Variants in FSTL4 observed in about 807,000 individuals in gnomAD.
FSTL4 encodes follistatin like 4, also known as follistatin-related protein 4.
Under a neutral mutation model 78.2 loss-of-function variants are expected in FSTL4, and 28 were observed. That is an observed-to-expected ratio of 0.36 (90% CI 0.27 to 0.49). The LOEUF is 0.49. FSTL4 is among the 20% of genes least tolerant of loss of function. The probability of loss-of-function intolerance (pLI) is 0.98; values close to 1 mark genes in which losing one functional copy is unlikely to be tolerated. For synonymous variants in FSTL4, 422 were observed against 440.5 expected (o/e 0.96, Z 0.53); for missense variants, 922 against 1,084.9 (o/e 0.85, Z 2.11).
At chr5:133,448,617 C>A (rs1211479392) in intron 3 of FSTL4, among the ~76,000 whole-genome samples, 2 of 151,886 alleles carry the variant, frequency 1.3e-5, no homozygotes, top group Non-Finnish European at 2.9e-5. Flanking sequence ...ACTGTCCTCA[C>A]CATGACACCA....
chr5:133,707,992 T>G, the FSTL4 span, among the ~76,000 whole-genome samples: 1 of 151,750 alleles, frequency 6.6e-6, no homozygotes, highest in Admixed American at 6.6e-5. Context: ...ATGGATTCCT[T>G]GAAAGCTGAG....
chr5:133,608,369 C>T (rs1761018126), intron 1 of FSTL4, among the ~76,000 whole-genome samples: 1 of 152,190 alleles, frequency 6.6e-6, no homozygotes, highest in Non-Finnish European at 1.5e-5. Context: ...TGGTTTCCTA[C>T]CAGAGCTTCA....
chr5:133,274,380 C>CTTTTTTTTTTTTTTTTTT lies in FSTL4; in HGVS notation c.728-24805_728-24804insAAAAAAAAAAAAAAAAAA, dbSNP rs59634629. Among the ~76,000 whole-genome samples the CTTTTTTTTTTTTTTTTTT allele has an allele frequency of 5.8e-4, 41 of 71,006 alleles. 14 individuals carry two copies. Among genetic ancestry groups the CTTTTTTTTTTTTTTTTTT allele is most frequent in the Non-Finnish European group, 7.9e-4 (33 of 41,628 alleles). 46.6% of individuals were successfully genotyped at this position (71,006 alleles called of 152,430 possible). On this transcript the variant is annotated intron_variant, in intron 6 of 15. Transcript: ENST00000265342. Reference sequence around the variant, plus strand: ...ATTCTCAGAAAAAGGGCAATCTGTGCTTTTTTTTTTTTTTTTAGGAGAACA... The same window carrying CTTTTTTTTTTTTTTTTTT: ...ATTCTCAGAAAAAGGGCAATCTGTGCTTTTTTTTTTTTTTTTTTTTTTTTTTTTTTTTTTAGGAGAACA...
chr5:133,616,799 A>G (rs1761207873), upstream of FSTL4, among the ~76,000 whole-genome samples: 1 of 152,186 alleles, frequency 6.6e-6, no homozygotes, highest in Non-Finnish European at 1.5e-5. Flanking sequence ...TCCAACCTTC[A>G]GGGGTATAAG....
At chr5:133,789,117 T>C in the FSTL4 span, among the ~76,000 whole-genome samples, 163 of 152,248 alleles carry the variant, frequency 1.1e-3, no homozygotes, top group African/African-American at 3.8e-3. Flanking sequence ...GCTTGGGATA[T>C]ACAGGTAGGG....
At chr5:133,355,991 A>G (rs1161065186) in intron 4 of FSTL4, among the ~76,000 whole-genome samples, 1 of 152,096 alleles carries the variant, frequency 6.6e-6, no homozygotes, top group African/African-American at 2.4e-5. Context: ...TTTAAGAGGA[A>G]GAGGCTCAAG....
At chr5:133,480,385 C>G (rs1249052811) in intron 3 of FSTL4, among the ~76,000 whole-genome samples, 1 of 152,156 alleles carries the variant, frequency 6.6e-6, no homozygotes, top group African/African-American at 2.4e-5. Flanking sequence ...TCGCAGAAAC[C>G]GAGGCACTTA....
the FSTL4 span, among the ~76,000 whole-genome samples, chr5:133,754,250 CA>C: frequency 6.6e-6 from 1 of 152,152 alleles, no homozygotes; most frequent in African/African-American, 2.4e-5. Context: ...TACAAACTAT[CA>C]ATTTTTATCC....
intron 3 of FSTL4, among the ~76,000 whole-genome samples, chr5:133,438,047 A>G (rs1316070619): frequency 6.6e-6 from 1 of 152,144 alleles, no homozygotes; most frequent in African/African-American, 2.4e-5. Flanking sequence ...CTTGTTTGGA[A>G]TCTCATGGCT....
Position 133,297,378 on chromosome 5 carries a change from G to A in FSTL4, c.727+15276C>T, listed in dbSNP as rs545219016. On this transcript the variant is annotated intron_variant, in intron 6 of 15. Coordinates refer to ENST00000265342, the MANE Select transcript of FSTL4 (RefSeq NM_015082.2). Reference sequence around the variant, plus strand: ...CCCACCTGTCCTCAAGCCAAGGCTCGGTGGGACTCGTGGGTGGCAGGTGGC... The same window carrying A: ...CCCACCTGTCCTCAAGCCAAGGCTCAGTGGGACTCGTGGGTGGCAGGTGGC... 7.7e-4 allele frequency among the ~76,000 whole-genome samples: 117 copies of A among 152,254 alleles called. 1 individual carries two copies. The highest frequency in any genetic ancestry group is 8.2e-4 in the Non-Finnish European group (56 of 68,004).
the FSTL4 span, among the ~76,000 whole-genome samples, chr5:133,829,404 G>A: frequency 6.6e-6 from 1 of 151,932 alleles, no homozygotes; most frequent in Non-Finnish European, 1.5e-5. Context: ...AGAAAAGAAA[G>A]AAAAAGCTCA....
intron 3 of FSTL4, among the ~76,000 whole-genome samples, chr5:133,510,812 C>A (rs189975514): frequency 6.6e-6 from 1 of 152,008 alleles, no homozygotes; most frequent in African/African-American, 2.4e-5. Flanking sequence ...TGGATCTGAG[C>A]GCAAGGCTAG....
chr5:133,819,666 C>T, the FSTL4 span, among the ~76,000 whole-genome samples: 3 of 152,188 alleles, frequency 2.0e-5, no homozygotes, highest in Non-Finnish European at 2.9e-5. Context: ...GGGCTGCCCA[C>T]GCATTGTTCC....
chr5:133,805,780 A>C, the FSTL4 span, among the ~76,000 whole-genome samples: 27 of 152,156 alleles, frequency 1.8e-4, no homozygotes, highest in Admixed American at 1.8e-3. Context: ...CACCATTTTG[A>C]GTTTGAACTG....
intron 4 of FSTL4, among the ~76,000 whole-genome samples, chr5:133,380,312 AT>A (rs1034582778): frequency 8.6e-5 from 13 of 151,962 alleles, no homozygotes; most frequent in African/African-American, 3.1e-4. Context: ...TAACAAAAAA[AT>A]TTTTTAGAAG....
intron 6 of FSTL4, among the ~76,000 whole-genome samples, chr5:133,282,340 G>T (rs1171804371): frequency 6.6e-6 from 1 of 152,074 alleles, no homozygotes; most frequent in Admixed American, 6.5e-5. Context: ...GGGCCCCAGA[G>T]GAGTCTTCCT....
At chr5:133,574,773 A>C (rs1760239308) in intron 2 of FSTL4, 1 of 152,224 alleles carries the variant, frequency 6.6e-6, no homozygotes, top group Non-Finnish European at 1.5e-5. Context: ...AACATGTGAT[A>C]ATGTAGCTGA....
the FSTL4 span, among the ~76,000 whole-genome samples, chr5:133,726,845 T>C: frequency 6.6e-6 from 1 of 152,240 alleles, no homozygotes; most frequent in Non-Finnish European, 1.5e-5. Flanking sequence ...CATCCTTTGC[T>C]GAACGAAATT....
At chr5:133,667,243 C>G in the FSTL4 span, among the ~76,000 whole-genome samples, 1 of 152,204 alleles carries the variant, frequency 6.6e-6, no homozygotes, top group Non-Finnish European at 1.5e-5. Context: ...GCTGGCACCC[C>G]TCAACCTATG....
Sources: gnomAD v4.1 joint callset for allele counts (sites outside exome capture counted in the v4.1 genomes callset) on GRCh38, gnomAD v4.1.1 for gene constraint, MANE v1.5 for transcripts, NCBI Gene and HGNC (gene_info 2026-07-23, HGNC 2026-07-21) for gene names.